The following PPARGC1A variants were observed in gnomAD, a reference collection of about 807,000 sequenced individuals.
PPARGC1A encodes PPARG coactivator 1 alpha, also known as peroxisome proliferator-activated receptor gamma coactivator 1-alpha.
A neutral mutation model predicts 88.7 loss-of-function variants in PPARGC1A; 25 were observed. The ratio of observed to expected loss-of-function variants is 0.28; its 90% CI spans 0.21 to 0.39. The LOEUF (loss-of-function observed/expected upper bound fraction) is 0.39. PPARGC1A is among the 10% of genes least tolerant of loss of function. The probability of loss-of-function intolerance (pLI) is 1.00; values close to 1 mark genes in which losing one functional copy is unlikely to be tolerated. For missense variants in PPARGC1A, 880 were observed against 968.7 expected, an observed-to-expected ratio of 0.91 and a Z score of 1.22; for synonymous variants, 363 against 355.6, an observed-to-expected ratio of 1.02 and a Z score of -0.24.
intron 8 of PPARGC1A, 27 bp downstream of exon 8, chr4:23,813,663 T>G: frequency 6.8e-7 from 1 of 1,477,546 alleles, no homozygotes; most frequent in East Asian, 2.3e-5. Context: ...ACACCTTTTG[T>G]GTTATTAGGG....
chr4:24,076,799 C>T, the PPARGC1A span, among the ~76,000 whole-genome samples: 1 of 152,170 alleles, frequency 6.6e-6, no homozygotes, highest in Non-Finnish European at 1.5e-5. Flanking sequence ...CCCCCATTCA[C>T]ATACATTAAT....
the PPARGC1A span, among the ~76,000 whole-genome samples, chr4:24,441,217 C>G: frequency 1.3e-5 from 2 of 152,198 alleles, no homozygotes; most frequent in Non-Finnish European, 2.9e-5. Context: ...TGCTGCCTGG[C>G]TCCTGTAGTC....
At chr4:24,245,236 G>T in the PPARGC1A span, among the ~76,000 whole-genome samples, 1 of 152,178 alleles carries the variant, frequency 6.6e-6, no homozygotes, top group African/African-American at 2.4e-5. Context: ...ATCAAATACT[G>T]TGTACCCCAA....
At chr4:24,420,040 A>G in the PPARGC1A span, among the ~76,000 whole-genome samples, 1 of 152,226 alleles carries the variant, frequency 6.6e-6, no homozygotes, top group Non-Finnish European at 1.5e-5. Flanking sequence ...TCTTTTCCAT[A>G]AACAGTTCTG....
At chr4:24,134,065 A>G in the PPARGC1A span, among the ~76,000 whole-genome samples, 1 of 152,208 alleles carries the variant, frequency 6.6e-6, no homozygotes, top group Admixed American at 6.5e-5. Context: ...GTTACCGGCT[A>G]ACATCACAAT....
the PPARGC1A span, among the ~76,000 whole-genome samples, chr4:24,375,585 C>G: frequency 6.6e-6 from 1 of 152,166 alleles, no homozygotes; most frequent in Non-Finnish European, 1.5e-5. Context: ...CTATACCAGG[C>G]AGCGCAGTAC....
the PPARGC1A span, among the ~76,000 whole-genome samples, chr4:24,060,670 T>G: frequency 1.3e-5 from 2 of 152,222 alleles, no homozygotes; most frequent in Non-Finnish European, 2.9e-5. Flanking sequence ...ACATTCAGAT[T>G]GTCAGTTGAT....
the PPARGC1A span, among the ~76,000 whole-genome samples, chr4:24,402,277 G>T: frequency 6.6e-6 from 1 of 152,180 alleles, no homozygotes; most frequent in African/African-American, 2.4e-5. Flanking sequence ...ACTCTGCAGC[G>T]GCTGCTACAG....
At chr4:24,053,860 G>A in the PPARGC1A span, among the ~76,000 whole-genome samples, 43 of 152,248 alleles carry the variant, frequency 2.8e-4, no homozygotes, top group East Asian at 6.8e-3. Context: ...TCCTGTGCTA[G>A]GTACTGAGTC....
chr4:23,910,361 A>C, the PPARGC1A span, among the ~76,000 whole-genome samples: 2 of 102,662 alleles, frequency 1.9e-5, no homozygotes, highest in East Asian at 4.4e-4. Context: ...TATATATTAT[A>C]TATATTATAT....
the PPARGC1A span, among the ~76,000 whole-genome samples, chr4:24,057,660 C>G: frequency 6.6e-6 from 1 of 152,142 alleles, no homozygotes; most frequent in Non-Finnish European, 1.5e-5. Context: ...CACGTGTGTA[C>G]ATCCCTCTTC....
chr4:24,091,639 T>C, the PPARGC1A span: 3 of 985,202 alleles, frequency 3.0e-6, no homozygotes, highest in Non-Finnish European at 3.6e-6. Context: ...GGGCAGACTG[T>C]CATGGAGAAA....
At chr4:24,091,288 G>A in the PPARGC1A span, among the ~76,000 whole-genome samples, 1 of 152,198 alleles carries the variant, frequency 6.6e-6, no homozygotes, top group African/African-American at 2.4e-5. Context: ...TAGAGTAAAT[G>A]TATTTGGGGT....
the PPARGC1A span, among the ~76,000 whole-genome samples, chr4:24,103,018 GC>G: frequency 6.6e-6 from 1 of 152,122 alleles, no homozygotes; most frequent in Non-Finnish European, 1.5e-5. Flanking sequence ...GCCAGAAATT[GC>G]CCTGGCCTCA....
chr4:23,802,400 C>A, intron 10 of PPARGC1A, 55 bp from the exon 11 acceptor site: 2 of 1,608,968 alleles, frequency 1.2e-6, no homozygotes, highest in Non-Finnish European at 1.7e-6. Context: ...TAGCCCTCGG[C>A]CGGGCACAGT....
At chr4:24,217,325 C>T in the PPARGC1A span, among the ~76,000 whole-genome samples, 2 of 152,188 alleles carry the variant, frequency 1.3e-5, no homozygotes, top group African/African-American at 4.8e-5. Context: ...CCTAATATTC[C>T]TTCCTGTCCT....
the PPARGC1A span, among the ~76,000 whole-genome samples, chr4:24,330,355 A>G: frequency 6.6e-6 from 1 of 152,202 alleles, no homozygotes; most frequent in South Asian, 2.1e-4. Context: ...TGGCACAAAG[A>G]ATGTAAGAAG....
the PPARGC1A span, among the ~76,000 whole-genome samples, chr4:24,022,160 CT>C: frequency 1.3e-5 from 2 of 152,154 alleles, no homozygotes; most frequent in African/African-American, 4.8e-5. Context: ...ATCCTTGCTC[CT>C]TGGCACAGCA....
At chr4:24,157,944 A>G in the PPARGC1A span, among the ~76,000 whole-genome samples, 1 of 151,740 alleles carries the variant, frequency 6.6e-6, no homozygotes, top group Non-Finnish European at 1.5e-5. Context: ...CACTCCCCCA[A>G]CCCCTTACCC....
Sources: allele counts gnomAD v4.1 joint callset (sites outside exome capture counted in the v4.1 genomes callset), GRCh38; gene constraint gnomAD v4.1.1; transcripts MANE v1.5; gene names NCBI Gene and HGNC (gene_info 2026-07-23, HGNC 2026-07-21).